Variants in BTBD9 observed in about 807,000 individuals in gnomAD.
BTBD9 encodes the protein BTB/POZ domain-containing protein 9.
A neutral mutation model predicts 64.3 loss-of-function variants in BTBD9; 49 were observed. That is an observed-to-expected ratio of 0.76 (90% CI 0.61 to 0.97). The LOEUF (loss-of-function observed/expected upper bound fraction) is 0.97, where lower values mean the gene tolerates loss of function less well. BTBD9 is among the 50% of genes least tolerant of loss of function. BTBD9 has a pLI of 0.00. For synonymous variants in BTBD9, 260 were observed against 274.7 expected, an observed-to-expected ratio of 0.95 and a Z score of 0.53; for missense variants, 598 against 762.1, an observed-to-expected ratio of 0.78 and a Z score of 2.53.
intron 8 of BTBD9, among the ~76,000 whole-genome samples, chr6:38,285,644 A>C (rs1761700918): frequency 6.6e-6 from 1 of 152,208 alleles, no homozygotes; most frequent in African/African-American, 2.4e-5. Flanking sequence ...ACTGGTCTTC[A>C]AATTAGAAAT....
intron 9 of BTBD9, among the ~76,000 whole-genome samples, chr6:38,223,796 T>C (rs191544966): frequency 1.3e-5 from 2 of 152,082 alleles, no homozygotes; most frequent in East Asian, 1.9e-4. Context: ...AAACGAAAAA[T>C]TGGTTATATC....
chr6:38,178,570 A>C (rs551207889), intron 10 of BTBD9, among the ~76,000 whole-genome samples: 200 of 152,278 alleles, frequency 1.3e-3, no homozygotes, highest in African/African-American at 4.4e-3. Flanking sequence ...GCAGGCGGTC[A>C]GGGAAGGCTT....
At chr6:38,400,141 C>A (rs1292282734) in intron 6 of BTBD9, among the ~76,000 whole-genome samples, 6 of 152,088 alleles carry the variant, frequency 3.9e-5, no homozygotes, top group East Asian at 1.9e-4. Context: ...GTGTTCCTGA[C>A]CCCATCGGGT....
chr6:38,519,950 G>T (rs1036334645), intron 6 of BTBD9, among the ~76,000 whole-genome samples: 3 of 151,990 alleles, frequency 2.0e-5, no homozygotes, highest in African/African-American at 7.3e-5. Flanking sequence ...TCACTTATAA[G>T]AACAAAATAC....
At chr6:38,296,185 C>T (rs868309935) in intron 7 of BTBD9, among the ~76,000 whole-genome samples, 2 of 151,716 alleles carry the variant, frequency 1.3e-5, no homozygotes, top group Non-Finnish European at 2.9e-5. Flanking sequence ...TCCTCTTCTC[C>T]CCCTCCTTTT....
At chr6:38,618,917 G>C (rs946954207) in intron 1 of BTBD9, among the ~76,000 whole-genome samples, 1 of 152,206 alleles carries the variant, frequency 6.6e-6, no homozygotes, top group East Asian at 1.9e-4. Flanking sequence ...TTCCCTACCA[G>C]TCAGCAAGCC....
At chr6:38,313,439 G>T (rs904180433) in intron 7 of BTBD9, among the ~76,000 whole-genome samples, 28 of 152,132 alleles carry the variant, frequency 1.8e-4, no homozygotes, top group African/African-American at 6.3e-4. Context: ...TGGTGAAAGT[G>T]GACATCCTTG....
chr6:38,586,063 T>A (rs1449690099), intron 4 of BTBD9, among the ~76,000 whole-genome samples: 1 of 151,992 alleles, frequency 6.6e-6, no homozygotes, highest in Non-Finnish European at 1.5e-5. Context: ...ATCTTGAGGA[T>A]AGAATTTGTG....
chr6:38,446,831 C>A lies in BTBD9; in HGVS notation c.1155-101738G>T, dbSNP rs1402428851. Reference sequence around the variant, plus strand: ...CAAAGCCAATGCTCACTATACTACACTAAATAGCTAGGCAGAGCGGGATCA... The same window carrying A: ...CAAAGCCAATGCTCACTATACTACAATAAATAGCTAGGCAGAGCGGGATCA... On this transcript the variant is annotated intron_variant, in intron 6 of 10. Coordinates refer to ENST00000481247, the MANE Select transcript of BTBD9 (RefSeq NM_001099272.2). 4.6e-5 allele frequency among the ~76,000 whole-genome samples: 7 copies of A among 152,180 alleles called. 1 individual carries two copies. The highest frequency in any genetic ancestry group is 8.8e-5 in the Non-Finnish European group (6 of 68,026).
At chr6:38,307,835 C>A (rs1456144154) in intron 7 of BTBD9, among the ~76,000 whole-genome samples, 2 of 152,156 alleles carry the variant, frequency 1.3e-5, no homozygotes, top group African/African-American at 4.8e-5. Flanking sequence ...CCTTTTGCCC[C>A]TCAAACACAT....
chr6:38,545,801 AT>A (rs1423400298), intron 6 of BTBD9, among the ~76,000 whole-genome samples: 53 of 146,484 alleles, frequency 3.6e-4, no homozygotes, highest in Middle Eastern at 3.5e-3. Flanking sequence ...AAAAAAAAGA[AT>A]GAATTTTATA....
intron 6 of BTBD9, among the ~76,000 whole-genome samples, chr6:38,522,377 T>G (rs1025706748): frequency 3.3e-5 from 5 of 152,194 alleles, no homozygotes; most frequent in Non-Finnish European, 5.9e-5. Context: ...TATACTCTAC[T>G]GAAACTTCAC....
intron 6 of BTBD9, among the ~76,000 whole-genome samples, chr6:38,443,526 C>T (rs185009582): frequency 8.2e-4 from 125 of 152,302 alleles, no homozygotes; most frequent in African/African-American, 2.7e-3. Context: ...ACCACTTCCT[C>T]TCTCCTCCAA....
At chr6:38,547,339 AG>A (rs1774597935) in intron 6 of BTBD9, among the ~76,000 whole-genome samples, 1 of 152,154 alleles carries the variant, frequency 6.6e-6, no homozygotes, top group Non-Finnish European at 1.5e-5. Context: ...CTGAGGTGGG[AG>A]GATCGCTTAA....
chr6:38,300,446 G>A (rs573879951), intron 7 of BTBD9, among the ~76,000 whole-genome samples: 85 of 152,166 alleles, frequency 5.6e-4, no homozygotes, highest in African/African-American at 2.0e-3. Flanking sequence ...AAATTACCTT[G>A]GGCAGTGTGA....
chr6:38,390,416 G>C (rs1256588177), intron 6 of BTBD9, among the ~76,000 whole-genome samples: 1 of 152,112 alleles, frequency 6.6e-6, no homozygotes. Context: ...ATGGGTACAT[G>C]ATCCAAAAAA....
At position 38,174,603 on chromosome 6, in the gene BTBD9, C is replaced by A; in HGVS notation, c.*382G>T. On this transcript the variant is annotated 3_prime_UTR_variant, in exon 11 of 11. Transcript: ENST00000481247. ...ATTCCTAAAGGGTGCCTCCAGGTAG[C>A]AAAGGCCCAATGGCTTTCTCCTCCG... The A allele has an allele frequency of 4.7e-6, 1 of 211,286 alleles. No homozygotes were observed. The highest frequency in any genetic ancestry group is 2.3e-5 in the African/African-American group (1 of 44,268). 13.1% of individuals were successfully genotyped at this position (211,286 alleles called of 1,614,324 possible). A position where few individuals can be genotyped will look rare whatever the true frequency, so the allele number is the denominator to read the frequency against.
chr6:38,300,800 T>C (rs1156279559), intron 7 of BTBD9, among the ~76,000 whole-genome samples: 4 of 152,238 alleles, frequency 2.6e-5, no homozygotes, highest in African/African-American at 9.6e-5. Context: ...TCATGTCATC[T>C]GCAAACAGGG....
intron 6 of BTBD9, among the ~76,000 whole-genome samples, chr6:38,477,407 C>T (rs934168530): frequency 1.2e-4 from 18 of 152,342 alleles, no homozygotes; most frequent in South Asian, 8.3e-4. Context: ...AGCAAACTCT[C>T]ATCTACAGGA....
Sources: allele counts gnomAD v4.1 joint callset (sites outside exome capture counted in the v4.1 genomes callset), GRCh38; gene constraint gnomAD v4.1.1; transcripts MANE v1.5; gene names NCBI Gene and HGNC (gene_info 2026-07-23, HGNC 2026-07-21).